Variants in JPH2 observed in about 807,000 individuals in gnomAD.
JPH2 encodes the protein junctophilin 2, also known as junctophilin-2.
A neutral mutation model predicts 55.9 loss-of-function variants in JPH2; 38 were observed. That is an observed-to-expected ratio of 0.68 (90% CI 0.52 to 0.89). JPH2 has a LOEUF of 0.89. JPH2 is among the 40% of genes least tolerant of loss of function. JPH2 has a pLI of 0.00. For missense variants in JPH2, 964 were observed against 1,037.6 expected, an observed-to-expected ratio of 0.93 and a Z score of 0.97; for synonymous variants, 480 against 472.4, an observed-to-expected ratio of 1.02 and a Z score of -0.21.
chr20:44,134,503 TAA>T (rs1491521278), intron 2 of JPH2, among the ~76,000 whole-genome samples: 54 of 1,216 alleles, frequency 0.044, no homozygotes, highest in Admixed American at 0.096. Flanking sequence ...TTATTATATA[TAA>T]ATAATATATA....
intron 2 of JPH2, among the ~76,000 whole-genome samples, chr20:44,134,901 T>C (rs74387074): frequency 9.2e-5 from 7 of 76,068 alleles, no homozygotes; most frequent in Admixed American, 2.2e-4. Context: ...TATATATTTA[T>C]ATATATATAT....
chr20:44,132,569 G>A (rs376105795), intron 2 of JPH2, among the ~76,000 whole-genome samples: 7 of 151,608 alleles, frequency 4.6e-5, no homozygotes, highest in East Asian at 1.9e-4. Flanking sequence ...GCACGAGGCC[G>A]GAGAGGGCTG....
intron 2 of JPH2, among the ~76,000 whole-genome samples, chr20:44,153,529 T>C (rs907949758): frequency 1.3e-5 from 2 of 152,072 alleles, no homozygotes; most frequent in African/African-American, 4.8e-5. Context: ...AGAGCCAGCA[T>C]GGGGAGGAGA....
rs184691976 is a variant in JPH2 at position 44,134,139 on chromosome 20, A to T, written c.1170-15516T>A. Among the ~76,000 whole-genome samples the T allele has an allele frequency of 7.2e-3, 75 of 10,460 alleles. 23 individuals carry two copies. Among genetic ancestry groups the T allele is most frequent in the African/African-American group, 0.036 (73 of 2,020 alleles). 6.9% of individuals were successfully genotyped at this position (10,460 alleles called of 152,430 possible). On this transcript the variant is annotated intron_variant, in intron 2 of 5. Coordinates refer to ENST00000372980, the MANE Select transcript of JPH2 (RefSeq NM_020433.5). ...AATAAATATTTATTATAAATATATA[A>T]ATAAATATTTATTATAAATATATAA... is the stretch of plus-strand genomic sequence containing the variant.
In JPH2 at chr20:44,107,216, C is replaced by T. The variant is rs1352920861; in HGVS notation, c.*6302G>A. On this transcript the variant is annotated 3_prime_UTR_variant, in exon 6 of 6. Transcript: ENST00000372980. ...CAAAGCCCCAACCCATCCCCACTCCCCAACCATACTGCCTCTTATGGCCAC... is the reference window on the plus strand; with the variant it reads ...CAAAGCCCCAACCCATCCCCACTCCTCAACCATACTGCCTCTTATGGCCAC... Among the ~76,000 whole-genome samples, 2 of 152,188 alleles carry T rather than the reference C, an allele frequency of 1.3e-5. No homozygotes were observed. The highest frequency in any genetic ancestry group is 2.9e-5 in the Non-Finnish European group (2 of 68,042).
chr20:44,143,795 C>G (rs1180847445), intron 2 of JPH2, among the ~76,000 whole-genome samples: 1 of 152,100 alleles, frequency 6.6e-6, no homozygotes, highest in Non-Finnish European at 1.5e-5. Flanking sequence ...AAAGCTCATG[C>G]TGGCTATTGT....
At chr20:44,130,188 C>G (rs1278000960) in intron 2 of JPH2, among the ~76,000 whole-genome samples, 1 of 152,148 alleles carries the variant, frequency 6.6e-6, no homozygotes, top group Non-Finnish European at 1.5e-5. Flanking sequence ...GCTAGTAAGT[C>G]CAGAGTTGGC....
In JPH2 at chr20:44,108,923, C is replaced by T. The variant is rs900469684; in HGVS notation, c.*4595G>A. 1.3e-5 allele frequency among the ~76,000 whole-genome samples: 2 copies of T among 152,210 alleles called. No individual in the cohort carries two copies. Among genetic ancestry groups the T allele is most frequent in the African/African-American group, 2.4e-5 (1 of 41,450 alleles). ...GATGAGCTGATATCTTAGAGTGCCT[C>T]CATCTCTGACAACCTAAGGAGTTAT... On this transcript the variant is annotated 3_prime_UTR_variant, in exon 6 of 6. Transcript: ENST00000372980.
intron 1 of JPH2, among the ~76,000 whole-genome samples, chr20:44,171,472 C>G (rs1001899026): frequency 3.3e-5 from 5 of 152,042 alleles, no homozygotes; most frequent in African/African-American, 1.2e-4. Flanking sequence ...AAGGGGTAGC[C>G]TAGAATCTAC....
At chr20:44,180,745 G>A (rs2072775093) in intron 1 of JPH2, among the ~76,000 whole-genome samples, 1 of 152,198 alleles carries the variant, frequency 6.6e-6, no homozygotes, top group South Asian at 2.1e-4. Flanking sequence ...GACTATGTGA[G>A]AAAATGCCTC....
At chr20:44,161,705 G>A (rs888101811) in intron 1 of JPH2, among the ~76,000 whole-genome samples, 1 of 152,000 alleles carries the variant, frequency 6.6e-6, no homozygotes, top group African/African-American at 2.4e-5. Flanking sequence ...CACCTGAGTT[G>A]TATGACAAGC....
rs2072121334 is a variant in JPH2, at chr20:44,108,468, G to T, written c.*5050C>A. ...TGGAGATCCCCAAACTTGTATCTGGGGTCTGAAGGGAGAGGGGGAGATTGT... is the reference window on the plus strand; with the variant it reads ...TGGAGATCCCCAAACTTGTATCTGGTGTCTGAAGGGAGAGGGGGAGATTGT... On this transcript the variant is annotated 3_prime_UTR_variant, in exon 6 of 6. Coordinates refer to ENST00000372980, the MANE Select transcript of JPH2 (RefSeq NM_020433.5). 6.6e-6 allele frequency among the ~76,000 whole-genome samples: 1 copy of T among 151,906 alleles called. No individual in the cohort carries two copies. Among genetic ancestry groups the T allele is most frequent in the Non-Finnish European group, 1.5e-5 (1 of 67,978 alleles).
chr20:44,184,149 C>A (rs2072811371), intron 1 of JPH2, among the ~76,000 whole-genome samples: 1 of 152,024 alleles, frequency 6.6e-6, no homozygotes, highest in African/African-American at 2.4e-5. Context: ...AGAGTAAGAC[C>A]CTGTCTCAAA....
chr20:44,166,896 A>G (rs763926683), intron 1 of JPH2, among the ~76,000 whole-genome samples: 3 of 152,124 alleles, frequency 2.0e-5, no homozygotes, highest in Non-Finnish European at 4.4e-5. Flanking sequence ...CACTGTCCCA[A>G]AGGAAACGGG....
chr20:44,125,799 G>A (rs1316593137), intron 2 of JPH2, among the ~76,000 whole-genome samples: 11 of 152,044 alleles, frequency 7.2e-5, no homozygotes, highest in Admixed American at 3.9e-4. Context: ...CTCCTCATCT[G>A]TAAAATGGGA....
At position 44,115,951 on chromosome 20, in the gene JPH2, G is replaced by A. The variant is rs1310645221; in HGVS notation, c.1724C>T (p.Pro575Leu). ...GTCCTCAAAGGGTGGGGGCTCGGGC[G>A]GCGTGGTGCGCACAGCATAGCTGTG... ...GYHSYAVRTT[P>L]PEPPPFEDQP... is the part of the protein sequence containing the mutation. The change falls in exon 4 of 6, where the codon CCG (proline) becomes CTG (leucine). Residue 575 changes from proline (P) to leucine (L), a missense_variant. Pro to Leu is a moderately conservative substitution (Grantham distance 98). Transcript: ENST00000372980. 4 of 1,569,698 alleles carry A rather than the reference G, an allele frequency of 2.5e-6. No individual in the cohort carries two copies. Among genetic ancestry groups the A allele is most frequent in the South Asian group, 2.3e-5 (2 of 88,090 alleles).
intron 1 of JPH2, among the ~76,000 whole-genome samples, chr20:44,182,913 A>G (rs2072797647): frequency 6.6e-6 from 1 of 152,180 alleles, no homozygotes; most frequent in East Asian, 1.9e-4. Flanking sequence ...GAATGAATGA[A>G]TAGGTTTTCC....
rs548224411 is a variant in JPH2 at position 44,122,442 on chromosome 20, C to T, written c.1170-3819G>A. 2.8e-4 allele frequency among the ~76,000 whole-genome samples: 42 copies of T among 152,308 alleles called. No individual in the cohort carries two copies. In the South Asian group the frequency reaches 8.3e-3, roughly 30 times the overall value. ...GATCAAGAGGAATCACATTTTAATG[C>T]AATATTTTAAAAGTCTAAATTAATG... On this transcript the variant is annotated intron_variant, in intron 2 of 5. Transcript: ENST00000372980.
At chr20:44,120,413 AG>A (rs896922537) in intron 2 of JPH2, among the ~76,000 whole-genome samples, 4 of 152,220 alleles carry the variant, frequency 2.6e-5, no homozygotes, top group African/African-American at 9.6e-5. Flanking sequence ...TACCTACTAA[AG>A]TAATAACAGT....
Sources: allele counts gnomAD v4.1 joint callset (sites outside exome capture counted in the v4.1 genomes callset), GRCh38; gene constraint gnomAD v4.1.1; transcripts MANE v1.5; gene names NCBI Gene and HGNC (gene_info 2026-07-23, HGNC 2026-07-21).